The following PDE6D variants were observed in gnomAD, a reference collection of about 807,000 sequenced individuals.
PDE6D encodes the protein phosphodiesterase 6D.
Under a neutral mutation model 21.9 loss-of-function variants are expected in PDE6D, and 10 were observed. That is an observed-to-expected ratio of 0.46 (90% CI 0.28 to 0.78). The LOEUF is 0.78. Among genes scored for constraint, PDE6D ranks in the 30% least tolerant of loss-of-function variants. PDE6D has a pLI of 0.12. For synonymous variants in PDE6D, 59 were observed against 63.5 expected (o/e 0.93, Z 0.34); for missense variants, 139 against 184.8 (o/e 0.75, Z 1.44).
intron 3 of PDE6D, 175 bp downstream of exon 3, chr2:231,737,838 C>G: frequency 3.3e-6 from 2 of 614,670 alleles, no homozygotes. Context: ...TAGTGGCTAG[C>G]TTTGTTTTGG....
intron 1 of PDE6D, among the ~76,000 whole-genome samples, chr2:231,745,134 G>A (rs192821934): frequency 1.8e-4 from 27 of 152,010 alleles, no homozygotes; most frequent in Middle Eastern, 6.8e-3. Context: ...AGTTATTAAG[G>A]TAGATGTCTT....
chr2:231,752,437 G>A (rs1030331506), intron 1 of PDE6D, among the ~76,000 whole-genome samples: 2 of 152,208 alleles, frequency 1.3e-5, no homozygotes, highest in Non-Finnish European at 2.9e-5. Flanking sequence ...TATAAAACAC[G>A]ATATAAGCAA....
At chr2:231,779,600 A>T (rs2049085640) in intron 1 of PDE6D, 1 of 152,238 alleles carries the variant, frequency 6.6e-6, no homozygotes, top group Non-Finnish European at 1.5e-5. Context: ...CTTTTCCAGC[A>T]CTTCAGTCAT....
At chr2:231,765,337 A>G (rs2106281766) in intron 1 of PDE6D, among the ~76,000 whole-genome samples, 1 of 152,186 alleles carries the variant, frequency 6.6e-6, no homozygotes, top group African/African-American at 2.4e-5. Context: ...GAAAGAAAAA[A>G]AAAGCAAAAA....
chr2:231,743,243 G>A (rs145984242), intron 1 of PDE6D, among the ~76,000 whole-genome samples: 311 of 152,050 alleles, frequency 2.0e-3, no homozygotes, highest in African/African-American at 7.2e-3. Flanking sequence ...GGCCAACATG[G>A]TGAAACCCCG....
At chr2:231,774,362 C>T (rs1037901433) in intron 1 of PDE6D, among the ~76,000 whole-genome samples, 1 of 152,156 alleles carries the variant, frequency 6.6e-6, no homozygotes, top group African/African-American at 2.4e-5. Context: ...ATATGAGATA[C>T]AGATGCTGAG....
intron 1 of PDE6D, among the ~76,000 whole-genome samples, chr2:231,767,593 T>C (rs972694350): frequency 1.3e-5 from 2 of 152,030 alleles, no homozygotes; most frequent in African/African-American, 2.4e-5. Context: ...GGGATTACGG[T>C]GTGAGCCACC....
chr2:231,740,680 C>CAA lies in PDE6D; in HGVS notation c.51-1494_51-1493dup, dbSNP rs3074722. ...TGGGCGACAGAGGGAGACCCTGTCTCAAAAAAAAAAAAAAAAAAAAAAAGG... is the reference window on the plus strand; with the variant it reads ...TGGGCGACAGAGGGAGACCCTGTCTCAAAAAAAAAAAAAAAAAAAAAAAAAGG... On this transcript the variant is annotated intron_variant, in intron 1 of 4. Coordinates refer to ENST00000287600, the MANE Select transcript of PDE6D (RefSeq NM_002601.4). Among the ~76,000 whole-genome samples, 306 of 55,622 alleles carry CAA rather than the reference C, an allele frequency of 5.5e-3. 3 individuals are homozygous for CAA. The highest frequency in any genetic ancestry group is 0.033 in the Middle Eastern group (3 of 90). 36.5% of individuals were successfully genotyped at this position (55,622 alleles called of 152,430 possible).
intron 4 of PDE6D, among the ~76,000 whole-genome samples, chr2:231,734,953 T>C (rs996505755): frequency 1.3e-5 from 2 of 150,028 alleles, no homozygotes; most frequent in African/African-American, 4.9e-5. Context: ...TTAAAAAATC[T>C]ACTTTTAGGC....
chr2:231,752,207 A>G (rs2048845021), intron 1 of PDE6D, among the ~76,000 whole-genome samples: 1 of 151,606 alleles, frequency 6.6e-6, no homozygotes, highest in African/African-American at 2.4e-5. Flanking sequence ...ACCACAGGGT[A>G]TGTTAGTTTA....
At chr2:231,750,653 T>C (rs563310737) in intron 1 of PDE6D, among the ~76,000 whole-genome samples, 56 of 140,338 alleles carry the variant, frequency 4.0e-4, no homozygotes, top group Admixed American at 1.2e-3. Flanking sequence ...GCCACCATGC[T>C]CATCTAATTT....
At chr2:231,748,541 A>G (rs1192756817) in intron 1 of PDE6D, among the ~76,000 whole-genome samples, 1 of 152,202 alleles carries the variant, frequency 6.6e-6, no homozygotes, top group Admixed American at 6.5e-5. Flanking sequence ...AAGAAAAACC[A>G]ATTTTCTGGG....
At chr2:231,759,068 A>G (rs1015361782) in intron 1 of PDE6D, among the ~76,000 whole-genome samples, 15 of 152,158 alleles carry the variant, frequency 9.9e-5, no homozygotes, top group African/African-American at 3.6e-4. Flanking sequence ...TTGTAGTCCC[A>G]GCACTTTGGG....
chr2:231,738,919 CAAAAAA>C (rs1157734125), intron 2 of PDE6D, among the ~76,000 whole-genome samples, 175 bp downstream of exon 2: 3 of 62,648 alleles, frequency 4.8e-5, no homozygotes, highest in African/African-American at 1.4e-4. Context: ...GACTGTGTCT[CAAAAAA>C]AAAAAAAAAA....
At chr2:231,743,197 G>A (rs563153421) in intron 1 of PDE6D, among the ~76,000 whole-genome samples, 9 of 152,000 alleles carry the variant, frequency 5.9e-5, no homozygotes, top group African/African-American at 1.4e-4. Flanking sequence ...AGGCCGAGGC[G>A]GGCGGATCAC....
chr2:231,770,609 A>G (rs1290563999), intron 1 of PDE6D, among the ~76,000 whole-genome samples: 2 of 152,052 alleles, frequency 1.3e-5, no homozygotes, highest in Non-Finnish European at 2.9e-5. Context: ...CTTGAGCCCA[A>G]GAGTTCAAGA....
At chr2:231,734,558 T>C (rs1373803113) in intron 4 of PDE6D, among the ~76,000 whole-genome samples, 4 of 151,306 alleles carry the variant, frequency 2.6e-5, no homozygotes, top group African/African-American at 9.7e-5. Context: ...AACAGGTAAA[T>C]AGGCCGGGCA....
chr2:231,767,603 C>G (rs767278279), intron 1 of PDE6D, among the ~76,000 whole-genome samples: 1 of 152,024 alleles, frequency 6.6e-6, no homozygotes, highest in African/African-American at 2.4e-5. Flanking sequence ...TGTGAGCCAC[C>G]GCACCCAACC....
chr2:231,738,046 G>A lies in PDE6D; in HGVS notation c.232C>T (p.Gln78Ter). 4 of 1,614,030 alleles carry A rather than the reference G, an allele frequency of 2.5e-6. No individual in the cohort carries two copies. Among genetic ancestry groups the A allele is most frequent in the Non-Finnish European group, 3.4e-6 (4 of 1,179,910 alleles). ...CATTGCCCTTTGAAGTAAACTTTTT[G>A]TTCCAGGCGGAATTTTTCCATTTGT... ...TEQMEKFRLE[Q>*]KVYFKGQCLE... is the part of the protein sequence containing the mutation. Residue 78 changes from glutamine (Q) to a stop codon, truncating the protein, a stop_gained, in exon 3 of 5, where the codon CAA becomes TAA. Coordinates refer to ENST00000287600, the MANE Select transcript of PDE6D (RefSeq NM_002601.4). LOFTEE classifies it high-confidence loss of function.
Sources: gnomAD v4.1 joint callset for allele counts (sites outside exome capture counted in the v4.1 genomes callset) on GRCh38, gnomAD v4.1.1 for gene constraint, MANE v1.5 for transcripts, NCBI Gene and HGNC (gene_info 2026-07-23, HGNC 2026-07-21) for gene names.